MED13: variants seen among roughly 807,000 people sequenced by gnomAD.
MED13 encodes mediator of RNA polymerase II transcription subunit 13.
A neutral mutation model predicts 225.2 loss-of-function variants in MED13; 23 were observed. The ratio of observed to expected loss-of-function variants is 0.10; its 90% CI spans 0.07 to 0.14. The LOEUF is 0.14. Ranked by LOEUF, MED13 falls within the 10% of genes least tolerant of loss-of-function variation. MED13 has a pLI of 1.00. For missense variants in MED13, 2,197 were observed against 2,594.5 expected, an observed-to-expected ratio of 0.85 and a Z score of 3.33; for synonymous variants, 942 against 889.2, an observed-to-expected ratio of 1.06 and a Z score of -1.06.
In MED13 at chr17:61,977,168, G is replaced by A. The variant is rs1046582829; in HGVS notation, c.3806-4280C>T. ...TTTGCAAAGAGTGTACTTAATGGGG[G>A]TAAGAAACAACAATTAATAAATTTT... On this transcript the variant is annotated intron_variant, in intron 16 of 29. Transcript: ENST00000397786. Among the ~76,000 whole-genome samples, 4 of 152,032 alleles carry A rather than the reference G, an allele frequency of 2.6e-5. No individual in the cohort carries two copies. The East Asian group carries it at 7.7e-4, about 29-fold the overall frequency.
rs765351486 is a variant in MED13, at chr17:61,947,031, A to G, written c.6292-14T>C. The G allele has an allele frequency of 2.5e-6, 4 of 1,590,066 alleles. No individual in the cohort carries two copies. In the East Asian group the frequency reaches 8.9e-5, roughly 36 times the overall value. ...GTGCAAAGAGGCCTAAGAAGGTAAC[A>G]GGTAATCAATCAGTCAGCCAAACAG... is the stretch of plus-strand genomic sequence containing the variant. On this transcript the variant is annotated splice_polypyrimidine_tract_variant and intron_variant, in intron 28 of 29. Coordinates refer to ENST00000397786, the MANE Select transcript of MED13 (RefSeq NM_005121.3).
chr17:62,046,830 C>T (rs1040443810), intron 3 of MED13, among the ~76,000 whole-genome samples: 1 of 151,140 alleles, frequency 6.6e-6, no homozygotes, highest in African/African-American at 2.4e-5. Context: ...AATAAGAGAC[C>T]TTATCTCAAA....
At chr17:61,958,323 A>G (rs763189953) in intron 23 of MED13, among the ~76,000 whole-genome samples, 1 of 151,914 alleles carries the variant, frequency 6.6e-6, no homozygotes, top group Non-Finnish European at 1.5e-5. Flanking sequence ...GCGTGCGACC[A>G]CACCCCACTA....
rs775202545 is a variant in MED13, at chr17:61,972,921, G to A, written c.3806-33C>T. On this transcript the variant is annotated intron_variant, in intron 16 of 29. Transcript: ENST00000397786. The stretch of plus-strand genomic sequence containing the variant: ...CATTTTAAAAAAAACAAGTAATTAA[G>A]AATTGCTATTGCCAACACAAATAAA... 5.2e-6 allele frequency: 8 copies of A among 1,546,020 alleles called. No individual in the cohort carries two copies. The South Asian group carries it at 7.4e-5, about 14-fold the overall frequency.
intron 8 of MED13, among the ~76,000 whole-genome samples, chr17:62,022,628 A>T (rs985788804): frequency 6.6e-6 from 1 of 152,164 alleles, no homozygotes; most frequent in African/African-American, 2.4e-5. Context: ...TTTTTAAACA[A>T]TGAAGCAGAG....
rs775710669 is a variant in MED13, at chr17:61,995,140, G to A, written c.2181+12C>T. ...CAACAGTGACCCTTTGGTGTACTGT[G>A]ATTTCTCTTACCTTGTGTTTTTTTC... On this transcript the variant is annotated intron_variant, in intron 10 of 29. Coordinates refer to ENST00000397786, the MANE Select transcript of MED13 (RefSeq NM_005121.3). 11 of 1,593,578 alleles carry A rather than the reference G, an allele frequency of 6.9e-6. No homozygotes were observed. The African/African-American group carries it at 1.3e-4, about 19-fold the overall frequency.
In MED13 at chr17:62,063,176, A is replaced by T; in HGVS notation, c.192T>A (p.Asp64Glu). Residue 64 changes from aspartate (D) to glutamate (E), a missense_variant, in exon 2 of 30, where the codon GAT becomes GAA. This residue lies in a region of MED13 where 884 missense variants were observed against 918.5 expected (regional missense o/e 0.96). Coordinates refer to ENST00000397786, the MANE Select transcript of MED13 (RefSeq NM_005121.3). ...GATCTCGCCGCCAAACACCAAGTAC[A>T]TCTGCCTTAAGGCAGCGACTAAAAC... ...LSSFSRCLKADVLGVWRRDQR... is the reference protein window; with the variant it reads ...LSSFSRCLKAEVLGVWRRDQR... 1 of 1,614,170 alleles carries T rather than the reference A, an allele frequency of 6.2e-7. No individual in the cohort carries two copies. The highest frequency in any genetic ancestry group is 8.5e-7 in the Non-Finnish European group (1 of 1,180,022).
chr17:62,028,828 G>C (rs1296263199), intron 8 of MED13, among the ~76,000 whole-genome samples: 1 of 151,962 alleles, frequency 6.6e-6, no homozygotes, highest in African/African-American at 2.4e-5. Context: ...CCAGGGGACA[G>C]AGCAAGACTC....
At chr17:61,985,246 T>C (rs1341355553) in intron 12 of MED13, among the ~76,000 whole-genome samples, 156 bp from the exon 13 acceptor site, 2 of 152,202 alleles carry the variant, frequency 1.3e-5, no homozygotes. Flanking sequence ...TTGAAAGATA[T>C]AAAATATTTC....
chr17:61,987,242 C>G (rs867079749), intron 11 of MED13, 114 bp from the exon 12 acceptor site: 15 of 521,300 alleles, frequency 2.9e-5, no homozygotes, highest in Middle Eastern at 3.7e-4. Context: ...CAGGACCAGC[C>G]TGGCCAAGAT....
intron 9 of MED13, among the ~76,000 whole-genome samples, chr17:62,002,802 T>C (rs1360375732): frequency 6.6e-6 from 1 of 152,262 alleles, no homozygotes; most frequent in Non-Finnish European, 1.5e-5. Flanking sequence ...ATCTCCCCAA[T>C]GAAGTCAATC....
intron 16 of MED13, among the ~76,000 whole-genome samples, chr17:61,979,266 TA>T (rs1456192150): frequency 6.6e-6 from 1 of 152,194 alleles, no homozygotes; most frequent in African/African-American, 2.4e-5. Flanking sequence ...AGAAGCCATA[TA>T]ACATTCCATC....
At chr17:61,955,602 G>T in intron 25 of MED13, 35 bp from the exon 26 acceptor site, 1 of 1,538,616 alleles carries the variant, frequency 6.5e-7, no homozygotes, top group Non-Finnish European at 8.7e-7. Context: ...TTTAATAAAC[G>T]AAGAATAAAT....
chr17:61,962,328 C>T (rs181908594), intron 21 of MED13, among the ~76,000 whole-genome samples: 109 of 152,208 alleles, frequency 7.2e-4, no homozygotes, highest in Admixed American at 2.3e-3. Context: ...TTCTATATAA[C>T]AATTATATTA....
At chr17:61,987,785 T>C (rs2080261048) in intron 11 of MED13, among the ~76,000 whole-genome samples, 1 of 152,174 alleles carries the variant, frequency 6.6e-6, no homozygotes, top group Non-Finnish European at 1.5e-5. Flanking sequence ...GGTCTCGCTC[T>C]GTCACCACCA....
chr17:62,000,032 T>C (rs945814022), intron 9 of MED13, among the ~76,000 whole-genome samples: 3 of 152,158 alleles, frequency 2.0e-5, no homozygotes, highest in Non-Finnish European at 4.4e-5. Context: ...ATCATGCCAC[T>C]GCACCATAGC....
intron 25 of MED13, 56 bp from the exon 26 acceptor site, chr17:61,955,623 A>G (rs2079936306): frequency 6.4e-7 from 1 of 1,556,094 alleles, no homozygotes; most frequent in Admixed American, 2.2e-5. Context: ...TGTATATAAT[A>G]CTTAAAAACT....
rs549882871 is a variant in MED13 at position 61,955,280 on chromosome 17, T to C, written c.5968+102A>G. 5.9e-6 allele frequency: 6 copies of C among 1,014,920 alleles called. No individual in the cohort carries two copies. The South Asian group carries it at 8.9e-5, about 15-fold the overall frequency. 62.9% of individuals were successfully genotyped at this position (1,014,920 alleles called of 1,614,324 possible). ...TTAACTTATCACATCTGCAAAATCA[T>C]TTTTTGGTAAAACAAGGTAACATTC... On this transcript the variant is annotated intron_variant, in intron 26 of 29. Transcript: ENST00000397786.
At chr17:62,064,263 G>A (rs2081063752) in intron 1 of MED13, among the ~76,000 whole-genome samples, 1 of 152,194 alleles carries the variant, frequency 6.6e-6, no homozygotes, top group Non-Finnish European at 1.5e-5. Context: ...TCCCATACAG[G>A]ACAAGTTATT....
Sources: gnomAD v4.1 joint callset for allele counts (sites outside exome capture counted in the v4.1 genomes callset) on GRCh38, gnomAD v4.1.1 for gene constraint, gnomAD v4.1.1 regional missense constraint, MANE v1.5 for transcripts, NCBI Gene and HGNC (gene_info 2026-07-23, HGNC 2026-07-21) for gene names.